Variants in KALRN observed in about 807,000 individuals in gnomAD.
The protein encoded by KALRN is kalirin RhoGEF kinase.
A neutral mutation model predicts 353.7 loss-of-function variants in KALRN; 70 were observed. The observed-to-expected ratio is 0.20, with a 90% CI of 0.16 to 0.24. KALRN has a LOEUF of 0.24. KALRN is among the 10% of genes least tolerant of loss of function. The pLI is 1.00. For synonymous variants in KALRN, 1,391 were observed against 1,434.8 expected, an observed-to-expected ratio of 0.97 and a Z score of 0.69; for missense variants, 2,791 against 3,756.7, an observed-to-expected ratio of 0.74 and a Z score of 6.72.
chr3:124,298,452 C>T (rs1350386518), intron 5 of KALRN, among the ~76,000 whole-genome samples: 1 of 152,202 alleles, frequency 6.6e-6, no homozygotes. Context: ...CATTAAGCCT[C>T]CCAGCTTGTC....
At chr3:124,423,663 G>A (rs184303452) in intron 15 of KALRN, among the ~76,000 whole-genome samples, 222 of 152,234 alleles carry the variant, frequency 1.5e-3, no homozygotes, top group South Asian at 4.6e-3. Context: ...GTCACTTGAG[G>A]CCAGCAGTTT....
In KALRN at chr3:124,175,280, G is replaced by A. The variant is rs1442913455; in HGVS notation, c.74-52710G>A. On this transcript the variant is annotated intron_variant, in intron 1 of 59. Coordinates refer to ENST00000682506, the MANE Select transcript of KALRN (RefSeq NM_001388419.1). The stretch of plus-strand genomic sequence containing the variant: ...CATGCCTGGAGGTACCAGGCACCTA[G>A]CGCTGTGTGCACTGCCTAGGGCCCA... 2.0e-5 allele frequency among the ~76,000 whole-genome samples: 3 copies of A among 152,264 alleles called. No individual in the cohort carries two copies. In the East Asian group the frequency reaches 5.8e-4, roughly 29 times the overall value.
chr3:124,195,452 A>G lies in KALRN; in HGVS notation c.74-32538A>G, dbSNP rs541480872. Among the ~76,000 whole-genome samples, 8 of 152,298 alleles carry G rather than the reference A, an allele frequency of 5.3e-5. No homozygotes were observed. The East Asian group carries it at 1.5e-3, about 29-fold the overall frequency. ...TGGGTCTGACTTTCTAAGAGCCATAATAAAGCATGTCCACATTTGTGGCAC... is the reference window on the plus strand; with the variant it reads ...TGGGTCTGACTTTCTAAGAGCCATAGTAAAGCATGTCCACATTTGTGGCAC... On this transcript the variant is annotated intron_variant, in intron 1 of 59. Transcript: ENST00000682506.
intron 10 of KALRN, among the ~76,000 whole-genome samples, chr3:124,381,826 C>T (rs2087428093): frequency 1.3e-5 from 2 of 152,182 alleles, no homozygotes; most frequent in African/African-American, 4.8e-5. Flanking sequence ...AAGGAGCTCA[C>T]AGACCAGTAG....
chr3:124,476,599 C>T (rs373113598), intron 26 of KALRN, among the ~76,000 whole-genome samples: 3 of 152,174 alleles, frequency 2.0e-5, no homozygotes, highest in East Asian at 1.9e-4. Flanking sequence ...TTCCCAGTAA[C>T]GCTAACCCAG....
intron 42 of KALRN, 117 bp from the exon 43 acceptor site, chr3:124,659,248 G>C: frequency 1.3e-6 from 1 of 752,478 alleles, no homozygotes; most frequent in African/African-American, 1.7e-5. Context: ...ATTACTTAAA[G>C]ATTCTTCAAC....
chr3:124,576,413 G>T (rs374857299), intron 34 of KALRN, among the ~76,000 whole-genome samples: 2 of 152,206 alleles, frequency 1.3e-5, no homozygotes, highest in African/African-American at 4.8e-5. Context: ...GTTCTTATGT[G>T]AAGGACCAGG....
chr3:124,217,831 C>T (rs1417460968), intron 1 of KALRN, among the ~76,000 whole-genome samples: 1 of 152,182 alleles, frequency 6.6e-6, no homozygotes, highest in East Asian at 1.9e-4. Context: ...TCAGACCGTA[C>T]CTGCAGTTCT....
chr3:124,142,701 A>G (rs1272123783), intron 1 of KALRN, among the ~76,000 whole-genome samples: 8 of 151,816 alleles, frequency 5.3e-5, no homozygotes, highest in Admixed American at 3.3e-4. Flanking sequence ...GCTTGCTTAT[A>G]CCACTTTTCC....
chr3:124,276,807 G>A (rs2074774559), intron 5 of KALRN, among the ~76,000 whole-genome samples: 1 of 152,194 alleles, frequency 6.6e-6, no homozygotes, highest in Admixed American at 6.5e-5. Flanking sequence ...GTGTGTGGTA[G>A]GCCAGGTGGG....
intron 23 of KALRN, among the ~76,000 whole-genome samples, chr3:124,460,809 C>T (rs571546): frequency 0.16 from 23,811 of 152,148 alleles, 2,054 homozygotes; most frequent in African/African-American, 0.2. Context: ...TATACCACAA[C>T]GAGGCCATGT....
At chr3:124,439,126 T>A in intron 18 of KALRN, 89 bp downstream of exon 18, 1 of 1,230,380 alleles carries the variant, frequency 8.1e-7, no homozygotes, top group Non-Finnish European at 1.1e-6. Flanking sequence ...TTTCTTTCTT[T>A]CTCTTTCTCT....
At chr3:124,353,922 C>T (rs1420335059) in intron 10 of KALRN, among the ~76,000 whole-genome samples, 1 of 152,160 alleles carries the variant, frequency 6.6e-6, no homozygotes, top group Admixed American at 6.5e-5. Context: ...ACTTTCCCTC[C>T]CTGGAGCACT....
chr3:124,035,924 A>G (rs2039371112), intron 1 of KALRN, among the ~76,000 whole-genome samples: 1 of 152,160 alleles, frequency 6.6e-6, no homozygotes, highest in Non-Finnish European at 1.5e-5. Context: ...GACCTGTAAC[A>G]TGTTGCAAGA....
At chr3:124,108,920 A>G (rs1306911781) in intron 1 of KALRN, among the ~76,000 whole-genome samples, 6 of 152,190 alleles carry the variant, frequency 3.9e-5, no homozygotes, top group Admixed American at 3.9e-4. Flanking sequence ...TATTCTCACC[A>G]TGAATATAAT....
chr3:124,263,485 G>A (rs55732941), intron 3 of KALRN, among the ~76,000 whole-genome samples: 1 of 152,258 alleles, frequency 6.6e-6, no homozygotes, highest in African/African-American at 2.4e-5. Context: ...GCTGAGGCAG[G>A]GGGATCATTT....
chr3:124,384,777 G>T, intron 10 of KALRN, 68 bp from the exon 11 acceptor site: 1 of 1,449,322 alleles, frequency 6.9e-7, no homozygotes, highest in African/African-American at 1.4e-5. Flanking sequence ...CAGCTCCGGG[G>T]AGCCCCAGGG....
chr3:124,397,132 T>G (rs749224551), intron 12 of KALRN, among the ~76,000 whole-genome samples: 5 of 152,178 alleles, frequency 3.3e-5, no homozygotes, highest in Non-Finnish European at 7.3e-5. Context: ...TCTGGAAAAT[T>G]TGTGATGGAG....
chr3:124,277,500 C>T lies in KALRN; in HGVS notation c.969+8245C>T, dbSNP rs545827063. 1.1e-3 allele frequency among the ~76,000 whole-genome samples: 160 copies of T among 152,318 alleles called. 4 individuals carry two copies. The highest frequency in any genetic ancestry group is 8.8e-4 in the Non-Finnish European group (60 of 68,038). On this transcript the variant is annotated intron_variant, in intron 5 of 59. Coordinates refer to ENST00000682506, the MANE Select transcript of KALRN (RefSeq NM_001388419.1). ...TTCGACTTACTTTTTCTCATTTCCT[C>T]CCCTTGAACATTAGAAACATTAGAT... is the stretch of plus-strand genomic sequence containing the variant.
Sources: gnomAD v4.1 joint callset for allele counts (sites outside exome capture counted in the v4.1 genomes callset) on GRCh38, gnomAD v4.1.1 for gene constraint, MANE v1.5 for transcripts, NCBI Gene and HGNC (gene_info 2026-07-23, HGNC 2026-07-21) for gene names.